STIM1: variants seen among roughly 807,000 people sequenced by gnomAD.
STIM1 encodes stromal interaction molecule 1.
Under a neutral mutation model 74.7 loss-of-function variants are expected in STIM1, and 25 were observed. That is an observed-to-expected ratio of 0.33 (90% CI 0.24 to 0.47). The LOEUF is 0.47. Ranked by LOEUF, STIM1 falls within the 20% of genes least tolerant of loss-of-function variation. The pLI is 1.00. For missense variants in STIM1, 728 were observed against 920.8 expected (o/e 0.79, Z 2.71); for synonymous variants, 328 against 348.8 (o/e 0.94, Z 0.66).
chr11:4,037,483 G>T (rs1297066434), intron 3 of STIM1, among the ~76,000 whole-genome samples: 7 of 152,044 alleles, frequency 4.6e-5, no homozygotes, highest in African/African-American at 1.7e-4. Flanking sequence ...TAAAGATTTA[G>T]GATGATTATT....
At chr11:4,091,235 T>C (rs1204724209) in intron 12 of STIM1, 47 bp from the exon 13 acceptor site, 1 of 1,612,698 alleles carries the variant, frequency 6.2e-7, no homozygotes, top group South Asian at 1.1e-5. Flanking sequence ...CCCTATCACC[T>C]CATCCAATAT....
chr11:4,034,774 A>T (rs10835521), intron 3 of STIM1, among the ~76,000 whole-genome samples: 39,545 of 152,006 alleles, frequency 0.26, 6,222 homozygotes, highest in South Asian at 0.46. Flanking sequence ...GTTTTTAATT[A>T]TAGTGTCAAT....
chr11:4,046,483 C>T (rs1273817852), intron 3 of STIM1, among the ~76,000 whole-genome samples: 2 of 152,142 alleles, frequency 1.3e-5, no homozygotes, highest in Non-Finnish European at 2.9e-5. Context: ...TAATCTTCCC[C>T]CAAAGGCACT....
At chr11:3,955,415 A>C (rs896210111) in intron 1 of STIM1, among the ~76,000 whole-genome samples, 13 of 152,188 alleles carry the variant, frequency 8.5e-5, no homozygotes, top group Non-Finnish European at 1.9e-4. Context: ...TATAAGGGTC[A>C]AAAACAGGTA....
chr11:3,944,266 C>T (rs1439857811), intron 1 of STIM1, among the ~76,000 whole-genome samples: 1 of 152,188 alleles, frequency 6.6e-6, no homozygotes, highest in Non-Finnish European at 1.5e-5. Flanking sequence ...CTTCTCAATT[C>T]TTTAATTGCC....
intron 3 of STIM1, among the ~76,000 whole-genome samples, chr11:4,043,850 A>G (rs1201644426): frequency 6.6e-6 from 1 of 152,014 alleles, no homozygotes; most frequent in East Asian, 1.9e-4. Flanking sequence ...CCCTGTCTCT[A>G]CTAAAAATAC....
At chr11:3,865,375 C>A (rs766577962) in intron 1 of STIM1, among the ~76,000 whole-genome samples, 4 of 151,646 alleles carry the variant, frequency 2.6e-5, no homozygotes, top group African/African-American at 7.3e-5. Flanking sequence ...CCTAATGGAG[C>A]CTGTTTGGGT....
At chr11:4,034,311 C>T (rs1482349666) in intron 3 of STIM1, among the ~76,000 whole-genome samples, 5 of 151,966 alleles carry the variant, frequency 3.3e-5, no homozygotes, top group Non-Finnish European at 7.4e-5. Flanking sequence ...TGCCTCTCTA[C>T]TCCTAGTTTG....
At position 4,092,257 on chromosome 11, in the gene STIM1, C is replaced by T. The variant is rs1029260330; in HGVS notation, c.*459C>T. The T allele has an allele frequency of 3.9e-6, 1 of 254,560 alleles. No individual in the cohort carries two copies. The highest frequency in any genetic ancestry group is 2.2e-5 in the African/African-American group (1 of 45,514). The allele number at this position is 254,560 out of a possible 1,614,324, so 15.8% of individuals were successfully genotyped here. On this transcript the variant is annotated 3_prime_UTR_variant, in exon 13 of 13. Transcript: ENST00000526596. ...CTGACATGTGTGCCTCAGATCTGTT[C>T]CACCCCACTCACAGTGGTTCTGTTT...
At chr11:3,945,427 AT>A (rs1333440273) in intron 1 of STIM1, among the ~76,000 whole-genome samples, 6 of 151,834 alleles carry the variant, frequency 4.0e-5, no homozygotes, top group Admixed American at 2.6e-4. Context: ...AAATAAAAAA[AT>A]AAAAAAAAAA....
chr11:3,970,074 C>CTTTT (rs145136493), intron 2 of STIM1, among the ~76,000 whole-genome samples: 1,419 of 139,034 alleles, frequency 0.01, 18 homozygotes, highest in South Asian at 0.024. Context: ...GCTCCTCATC[C>CTTTT]TTTTTTTTTT....
intron 2 of STIM1, among the ~76,000 whole-genome samples, chr11:3,995,025 C>G (rs927628682): frequency 6.6e-6 from 1 of 151,972 alleles, no homozygotes; most frequent in Non-Finnish European, 1.5e-5. Context: ...TCTTTATTGA[C>G]ATTCTTTATT....
chr11:3,869,939 A>C (rs768631552), intron 1 of STIM1, among the ~76,000 whole-genome samples: 5 of 152,172 alleles, frequency 3.3e-5, no homozygotes, highest in Admixed American at 1.3e-4. Context: ...AGTCAAAGAT[A>C]CACCAGTGTT....
chr11:3,937,891 C>G (rs545716439), intron 1 of STIM1, among the ~76,000 whole-genome samples: 75 of 152,110 alleles, frequency 4.9e-4, no homozygotes, highest in African/African-American at 1.9e-4. Flanking sequence ...GGTGTCCCCC[C>G]CTACCTTTAA....
At chr11:4,041,654 G>A (rs79340912) in intron 3 of STIM1, among the ~76,000 whole-genome samples, 1 of 151,788 alleles carries the variant, frequency 6.6e-6, no homozygotes, top group African/African-American at 2.4e-5. Context: ...TCAGGGTGGA[G>A]TGGTGCAATC....
intron 3 of STIM1, among the ~76,000 whole-genome samples, chr11:4,051,003 T>G (rs1430434710): frequency 1.3e-5 from 2 of 152,070 alleles, no homozygotes; most frequent in African/African-American, 4.8e-5. Flanking sequence ...GAGATTAGTC[T>G]TGCTGTCTCA....
At chr11:3,978,715 AT>A (rs1236327974) in intron 2 of STIM1, among the ~76,000 whole-genome samples, 2 of 151,976 alleles carry the variant, frequency 1.3e-5, no homozygotes, top group Non-Finnish European at 2.9e-5. Context: ...GTGAGCCGGG[AT>A]TGTGCCACTG....
intron 1 of STIM1, among the ~76,000 whole-genome samples, chr11:3,939,526 C>A (rs1030818590): frequency 1.3e-5 from 2 of 152,042 alleles, no homozygotes; most frequent in African/African-American, 4.8e-5. Context: ...TAAAAAAATA[C>A]AGCTTTTTTA....
intron 1 of STIM1, among the ~76,000 whole-genome samples, chr11:3,939,476 A>G (rs1423764568): frequency 1.3e-5 from 2 of 152,344 alleles, no homozygotes; most frequent in African/African-American, 2.4e-5. Flanking sequence ...AGAAATACAG[A>G]TGTAAAATAC....
Sources: allele counts gnomAD v4.1 joint callset (sites outside exome capture counted in the v4.1 genomes callset), GRCh38; gene constraint gnomAD v4.1.1; transcripts MANE v1.5; gene names NCBI Gene and HGNC (gene_info 2026-07-23, HGNC 2026-07-21).